Variants in NLGN1 observed in about 807,000 individuals in gnomAD.
NLGN1 encodes the protein neuroligin 1, also known as neuroligin-1.
A neutral mutation model predicts 65.5 loss-of-function variants in NLGN1; 12 were observed. The observed-to-expected ratio is 0.18, with a 90% confidence interval of 0.12 to 0.30. NLGN1 has a LOEUF of 0.30. Ranked by LOEUF, NLGN1 falls within the 10% of genes least tolerant of loss-of-function variation. The pLI is 1.00. For synonymous variants in NLGN1, 350 were observed against 359.5 expected (o/e 0.97, Z 0.30); for missense variants, 750 against 1,007.1 (o/e 0.74, Z 3.46).
chr3:174,175,040 GT>G (rs1292491391), intron 4 of NLGN1, among the ~76,000 whole-genome samples: 1 of 151,850 alleles, frequency 6.6e-6, no homozygotes, highest in Non-Finnish European at 1.5e-5. Context: ...TTTTTTGAAT[GT>G]TTTAAAACTT....
At chr3:173,453,908 T>A (rs969323689) in intron 2 of NLGN1, among the ~76,000 whole-genome samples, 1 of 152,250 alleles carries the variant, frequency 6.6e-6, no homozygotes, top group Non-Finnish European at 1.5e-5. Flanking sequence ...GGTTTTCAAT[T>A]TACTCTGCCC....
chr3:173,761,929 C>T (rs1004956618), intron 3 of NLGN1, among the ~76,000 whole-genome samples: 38 of 152,024 alleles, frequency 2.5e-4, no homozygotes, highest in African/African-American at 8.2e-4. Flanking sequence ...AATGAACCGA[C>T]AGAATTCTAG....
intron 4 of NLGN1, among the ~76,000 whole-genome samples, chr3:173,950,157 A>T (rs1467887681): frequency 6.6e-6 from 1 of 152,198 alleles, no homozygotes; most frequent in Non-Finnish European, 1.5e-5. Context: ...AGTAATTTAT[A>T]CTAAAACTTT....
At chr3:173,976,302 G>GCT (rs1328397224) in intron 4 of NLGN1, among the ~76,000 whole-genome samples, 3 of 152,106 alleles carry the variant, frequency 2.0e-5, no homozygotes, top group Middle Eastern at 3.4e-3. Flanking sequence ...ACACAGACTA[G>GCT]CTAAGTACAA....
At chr3:173,556,964 C>G (rs1741812052) in intron 2 of NLGN1, among the ~76,000 whole-genome samples, 2 of 151,920 alleles carry the variant, frequency 1.3e-5, no homozygotes, top group African/African-American at 4.8e-5. Flanking sequence ...TTTTTTGTGA[C>G]TATATGGATA....
intron 3 of NLGN1, among the ~76,000 whole-genome samples, chr3:173,798,616 A>G (rs2150398171): frequency 6.6e-6 from 1 of 152,216 alleles, no homozygotes; most frequent in Non-Finnish European, 1.5e-5. Flanking sequence ...CTGAGTGTCA[A>G]TTAATATAAA....
intron 3 of NLGN1, among the ~76,000 whole-genome samples, chr3:173,616,584 C>A (rs184012191): frequency 6.6e-6 from 1 of 152,082 alleles, no homozygotes; most frequent in Admixed American, 6.6e-5. Context: ...CCAACCCTCC[C>A]GACATGAGGA....
chr3:173,714,379 T>C (rs1333838340), intron 3 of NLGN1, among the ~76,000 whole-genome samples: 1 of 152,162 alleles, frequency 6.6e-6, no homozygotes, highest in Non-Finnish European at 1.5e-5. Context: ...GAACTGTGCT[T>C]GACACCATAT....
At chr3:173,603,127 C>A (rs1750813605) in intron 2 of NLGN1, among the ~76,000 whole-genome samples, 2 of 152,110 alleles carry the variant, frequency 1.3e-5, no homozygotes, top group South Asian at 4.1e-4. Flanking sequence ...GCCAGACCAA[C>A]ACTTCTTTAG....
In NLGN1 at chr3:173,621,664, AGAT is replaced by A. The variant is rs550148195; in HGVS notation, c.493+16574_493+16576del. 9.3e-4 allele frequency among the ~76,000 whole-genome samples: 141 copies of A among 152,236 alleles called. 2 individuals carry two copies. The highest frequency in any genetic ancestry group is 3.3e-3 in the African/African-American group (139 of 41,564). ...AAAGTGACTGGCAGTGGAAATAAAA[AGAT>A]AACAAATTTGAGAGACATTTCAAAG... On this transcript the variant is annotated intron_variant, in intron 3 of 6. Coordinates refer to ENST00000457714, the Ensembl canonical transcript of NLGN1.
At chr3:174,009,566 A>G (rs999671562) in intron 4 of NLGN1, among the ~76,000 whole-genome samples, 1 of 152,166 alleles carries the variant, frequency 6.6e-6, no homozygotes, top group African/African-American at 2.4e-5. Context: ...TGGAGCGAGT[A>G]CATGAATCCT....
At chr3:173,696,955 A>C (rs1434066925) in intron 3 of NLGN1, among the ~76,000 whole-genome samples, 1 of 152,208 alleles carries the variant, frequency 6.6e-6, no homozygotes, top group Non-Finnish European at 1.5e-5. Flanking sequence ...TTATGAAGAA[A>C]AAATTTATGA....
chr3:173,834,161 A>G (rs1326300639), intron 4 of NLGN1, among the ~76,000 whole-genome samples: 7 of 152,128 alleles, frequency 4.6e-5, no homozygotes, highest in Non-Finnish European at 1.0e-4. Context: ...AACTTTTCAT[A>G]TTACACATTC....
intron 3 of NLGN1, among the ~76,000 whole-genome samples, chr3:173,652,511 G>A (rs1277661263): frequency 6.6e-6 from 1 of 152,032 alleles, no homozygotes; most frequent in Non-Finnish European, 1.5e-5. Flanking sequence ...ATTTGAAAAG[G>A]CTGTCCTTTC....
At chr3:173,727,620 G>C (rs1322336875) in intron 3 of NLGN1, among the ~76,000 whole-genome samples, 1 of 151,944 alleles carries the variant, frequency 6.6e-6, no homozygotes, top group Non-Finnish European at 1.5e-5. Context: ...TAACCTTTCA[G>C]CTCTTGCCCA....
chr3:173,897,477 A>G (rs1736541777), intron 4 of NLGN1, among the ~76,000 whole-genome samples: 1 of 152,192 alleles, frequency 6.6e-6, no homozygotes, highest in Admixed American at 6.5e-5. Flanking sequence ...CCAGAAATTG[A>G]GATCCAAATA....
chr3:174,277,768 GA>G (rs767906346), intron 5 of NLGN1, among the ~76,000 whole-genome samples: 1 of 151,716 alleles, frequency 6.6e-6, no homozygotes, highest in Non-Finnish European at 1.5e-5. Flanking sequence ...ATTAGGTTAA[GA>G]AAAATCTAAA....
chr3:173,977,485 G>A (rs1717763811), intron 4 of NLGN1, among the ~76,000 whole-genome samples: 1 of 152,028 alleles, frequency 6.6e-6, no homozygotes, highest in Non-Finnish European at 1.5e-5. Context: ...GCAGGATCAT[G>A]TACAATACGT....
At chr3:173,875,910 G>C (rs773172827) in intron 4 of NLGN1, among the ~76,000 whole-genome samples, 4 of 152,150 alleles carry the variant, frequency 2.6e-5, no homozygotes. Context: ...TCAGAAAGAA[G>C]TTAGGAGATG....
Sources: allele counts gnomAD v4.1 joint callset (sites outside exome capture counted in the v4.1 genomes callset), GRCh38; gene constraint gnomAD v4.1.1; transcripts MANE v1.5; gene names NCBI Gene and HGNC (gene_info 2026-07-23, HGNC 2026-07-21).